Variants in CSMD1 observed in about 807,000 individuals in gnomAD.
The protein encoded by CSMD1 is CUB and sushi domain-containing protein 1.
Under a neutral mutation model 417.5 loss-of-function variants are expected in CSMD1, and 213 were observed. That is an observed-to-expected ratio of 0.51 (90% CI 0.46 to 0.57). The LOEUF is 0.57. Ranked by LOEUF, CSMD1 falls within the 20% of genes least tolerant of loss-of-function variation. CSMD1 has a pLI of 0.00. For missense variants in CSMD1, 6,923 were observed against 4,529.7 expected (o/e 1.53, Z -15.17); for synonymous variants, 2,862 against 1,736.8 (o/e 1.65, Z -16.11).
At position 4,106,297 on chromosome 8, in the gene CSMD1, G is replaced by A. The variant is rs940109520; in HGVS notation, c.416-74198C>T. On this transcript the variant is annotated intron_variant, in intron 3 of 69. Coordinates refer to ENST00000635120, the MANE Select transcript of CSMD1 (RefSeq NM_033225.6). ...TGTGTTTCTGTGGGTGGGAAAATACGTTAGAGCTTACCTCAAATTCTAAAA... is the reference window on the plus strand; with the variant it reads ...TGTGTTTCTGTGGGTGGGAAAATACATTAGAGCTTACCTCAAATTCTAAAA... 3.9e-5 allele frequency among the ~76,000 whole-genome samples: 6 copies of A among 152,276 alleles called. No homozygotes were observed. The East Asian group carries it at 5.8e-4, about 15-fold the overall frequency.
intron 1 of CSMD1, among the ~76,000 whole-genome samples, chr8:4,868,200 C>T (rs555991805): frequency 6.6e-6 from 1 of 152,044 alleles, no homozygotes; most frequent in African/African-American, 2.4e-5. Context: ...TAGAAAAATG[C>T]CTGAGCCTAC....
intron 3 of CSMD1, among the ~76,000 whole-genome samples, chr8:4,214,992 T>C (rs1007941612): frequency 4.4e-4 from 67 of 152,306 alleles, no homozygotes; most frequent in African/African-American, 1.5e-3. Context: ...TCTGTCAGGA[T>C]TACTGAGAAA....
chr8:2,969,648 T>C (rs1174497152), intron 57 of CSMD1, among the ~76,000 whole-genome samples: 3 of 152,206 alleles, frequency 2.0e-5, no homozygotes, highest in East Asian at 1.9e-4. Flanking sequence ...AGTCAAGTCA[T>C]AGCTAGTCAT....
intron 49 of CSMD1, among the ~76,000 whole-genome samples, chr8:3,084,362 A>C (rs546921854): frequency 1.3e-5 from 2 of 151,774 alleles, no homozygotes; most frequent in African/African-American, 2.4e-5. Flanking sequence ...CATCTCTACT[A>C]AATACAAAAA....
At chr8:4,574,168 T>TG (rs1799024386) in intron 2 of CSMD1, among the ~76,000 whole-genome samples, 1 of 123,028 alleles carries the variant, frequency 8.1e-6, no homozygotes, top group South Asian at 3.0e-4. Context: ...GACGCTGGGG[T>TG]CCAAAAAAAA....
At chr8:3,318,087 T>G (rs1013943786) in intron 23 of CSMD1, among the ~76,000 whole-genome samples, 13 of 152,232 alleles carry the variant, frequency 8.5e-5, no homozygotes, top group African/African-American at 3.1e-4. Flanking sequence ...AAGCGTGACC[T>G]ATCACATTTG....
intron 25 of CSMD1, among the ~76,000 whole-genome samples, chr8:3,292,778 G>C (rs989843808): frequency 1.3e-5 from 2 of 152,062 alleles, no homozygotes; most frequent in East Asian, 1.9e-4. Context: ...GACTTTTTAT[G>C]CAATTTGCCA....
In CSMD1 at chr8:4,955,490, C is replaced by T. The variant is rs144934629; in HGVS notation, c.85+38842G>A. On this transcript the variant is annotated intron_variant, in intron 1 of 69. Coordinates refer to ENST00000635120, the MANE Select transcript of CSMD1 (RefSeq NM_033225.6). ...TTTTATTGTGAGACAGAGTCTCACT[C>T]TGTCACCCAGGCTGGAGTGCAGTGG... Among the ~76,000 whole-genome samples, 832 of 151,604 alleles carry T rather than the reference C, an allele frequency of 5.5e-3. 3 individuals carry two copies. The highest frequency in any genetic ancestry group is 0.019 in the African/African-American group (787 of 41,316).
chr8:4,872,219 G>A (rs965345836), intron 1 of CSMD1, among the ~76,000 whole-genome samples: 1 of 152,096 alleles, frequency 6.6e-6, no homozygotes, highest in African/African-American at 2.4e-5. Flanking sequence ...AGGCCTTGGA[G>A]TTGGGACGAC....
intron 3 of CSMD1, among the ~76,000 whole-genome samples, chr8:4,295,657 A>G (rs1334426529): frequency 6.9e-6 from 1 of 144,326 alleles, no homozygotes; most frequent in Non-Finnish European, 1.5e-5. Flanking sequence ...TAAAAATATA[A>G]TCTTAAGATT....
At chr8:3,028,496 C>T (rs1361489013) in intron 51 of CSMD1, among the ~76,000 whole-genome samples, 6 of 152,162 alleles carry the variant, frequency 3.9e-5, no homozygotes, top group African/African-American at 1.4e-4. Context: ...GAAACGGGGA[C>T]CATGTTCATT....
At chr8:4,970,712 G>T (rs148255981) in intron 1 of CSMD1, among the ~76,000 whole-genome samples, 1 of 152,050 alleles carries the variant, frequency 6.6e-6, no homozygotes, top group African/African-American at 2.4e-5. Context: ...AACTCAGGAC[G>T]TGGATTCTGA....
chr8:4,425,229 C>G (rs916468146), intron 2 of CSMD1, among the ~76,000 whole-genome samples: 2 of 151,828 alleles, frequency 1.3e-5, no homozygotes, highest in Non-Finnish European at 2.9e-5. Context: ...GAAGTAGGAA[C>G]AAGATACTAA....
At position 4,313,341 on chromosome 8, in the gene CSMD1, G is replaced by A. The variant is rs530240477; in HGVS notation, c.415+106612C>T. Among the ~76,000 whole-genome samples, 6 of 138,766 alleles carry A rather than the reference G, an allele frequency of 4.3e-5. No homozygotes were observed. In the East Asian group the frequency reaches 1.2e-3, roughly 28 times the overall value. The allele number at this position is 138,766 out of a possible 152,430, so 91.0% of individuals were successfully genotyped here. ...CCCTAGAGAGGGAGGAATCCATCATGGGGGTAGCAGACCATCATTGTCACT... is the reference window on the plus strand; with the variant it reads ...CCCTAGAGAGGGAGGAATCCATCATAGGGGTAGCAGACCATCATTGTCACT... On this transcript the variant is annotated intron_variant, in intron 3 of 69. Coordinates refer to ENST00000635120, the MANE Select transcript of CSMD1 (RefSeq NM_033225.6).
At chr8:3,380,434 A>G (rs1175721866) in intron 18 of CSMD1, among the ~76,000 whole-genome samples, 97 of 152,184 alleles carry the variant, frequency 6.4e-4, no homozygotes, top group Non-Finnish European at 3.5e-4. Flanking sequence ...GAAGACATAT[A>G]CACACATATG....
chr8:3,982,673 G>C (rs980895699), intron 5 of CSMD1, among the ~76,000 whole-genome samples: 1 of 152,016 alleles, frequency 6.6e-6, no homozygotes, highest in Non-Finnish European at 1.5e-5. Flanking sequence ...TCTGAGACCA[G>C]GGTGGCGGAC....
chr8:3,723,709 CTTT>C (rs1802320196), intron 6 of CSMD1, among the ~76,000 whole-genome samples: 1 of 152,000 alleles, frequency 6.6e-6, no homozygotes, highest in Admixed American at 6.6e-5. Context: ...AACACGTGTG[CTTT>C]TTTACTTATT....
intron 17 of CSMD1, among the ~76,000 whole-genome samples, chr8:3,394,187 T>G (rs1228127912): frequency 6.8e-6 from 1 of 146,628 alleles, no homozygotes; most frequent in South Asian, 2.1e-4. Context: ...CATAGGGTAG[T>G]CATTCTTTTA....
intron 5 of CSMD1, among the ~76,000 whole-genome samples, chr8:3,811,758 G>T (rs1407211882): frequency 6.6e-6 from 1 of 152,056 alleles, no homozygotes. Flanking sequence ...AACCTCCATG[G>T]ACAATAGCTG....
Sources: gnomAD v4.1 joint callset for allele counts (sites outside exome capture counted in the v4.1 genomes callset) on GRCh38, gnomAD v4.1.1 for gene constraint, MANE v1.5 for transcripts, NCBI Gene and HGNC (gene_info 2026-07-23, HGNC 2026-07-21) for gene names.